Variants in SLC39A8 observed in about 807,000 individuals in gnomAD.
SLC39A8 encodes metal cation symporter ZIP8.
Under a neutral mutation model 40.4 loss-of-function variants are expected in SLC39A8, and 15 were observed. That is an observed-to-expected ratio of 0.37 (90% confidence interval 0.25 to 0.57). The LOEUF (loss-of-function observed/expected upper bound fraction) is 0.57, where lower values mean the gene tolerates loss of function less well. SLC39A8 is among the 20% of genes least tolerant of loss of function. The pLI is 0.75. For missense variants in SLC39A8, 472 were observed against 558.8 expected, an observed-to-expected ratio of 0.84 and a Z score of 1.57; for synonymous variants, 223 against 221.6, an observed-to-expected ratio of 1.01 and a Z score of -0.06.
Position 102,262,651 on chromosome 4 carries a change from G to C in SLC39A8, c.*393C>G. 1.0e-6 allele frequency: 1 copy of C among 989,200 alleles called. No individual in the cohort carries two copies. The highest frequency in any genetic ancestry group is 1.7e-5 in the African/African-American group (1 of 57,470). 61.3% of individuals were successfully genotyped at this position (989,200 alleles called of 1,614,324 possible). ...AAATTAATTGAAATAAAACCTCTCT[G>C]AAACCATTTGAATCTTTGATCCTAC... On this transcript the variant is annotated 3_prime_UTR_variant, in exon 9 of 9. Coordinates refer to ENST00000356736, the MANE Select transcript of SLC39A8 (RefSeq NM_001135146.2).
intron 2 of SLC39A8, chr4:102,324,206 C>A (rs1414090036): frequency 1.1e-5 from 3 of 270,624 alleles, no homozygotes; most frequent in Admixed American, 4.1e-5. Flanking sequence ...ACCATCCTGG[C>A]CAACATGGTG....
chr4:102,313,384 A>G (rs2149039183), intron 3 of SLC39A8, among the ~76,000 whole-genome samples: 1 of 152,286 alleles, frequency 6.6e-6, no homozygotes, highest in South Asian at 2.1e-4. Context: ...TAAGTACCAC[A>G]AAAGAATTGG....
intron 2 of SLC39A8, among the ~76,000 whole-genome samples, chr4:102,325,231 C>T (rs1186414891): frequency 6.6e-6 from 1 of 152,130 alleles, no homozygotes; most frequent in Non-Finnish European, 1.5e-5. Flanking sequence ...AAGCCAAGAA[C>T]ACTCTATAAA....
At chr4:102,260,267 A>T (rs1006132859), downstream of SLC39A8, among the ~76,000 whole-genome samples, 5 of 152,372 alleles carry the variant, frequency 3.3e-5, no homozygotes, top group African/African-American at 1.2e-4. Context: ...GCCGATATCC[A>T]GTCTGGGCTT....
chr4:102,325,497 G>A (rs1735157240), intron 2 of SLC39A8, among the ~76,000 whole-genome samples: 1 of 152,066 alleles, frequency 6.6e-6, no homozygotes, highest in South Asian at 2.1e-4. Context: ...GATGAAGAAC[G>A]CTTTTCCTGA....
rs1736096859 is a variant in SLC39A8, at chr4:102,344,757, T to A, written c.-95A>T. On this transcript the variant is annotated 5_prime_UTR_variant, in exon 2 of 9. The change abolishes the stop of an existing upstream ORF in the 5' untranslated region. Transcript: ENST00000356736. ...GCGTCCTTGCCCAAGGGCGGGAGCG[T>A]CAGTGCTCGGCGCTGCTCCGAGTCA... 7.4e-7 allele frequency: 1 copy of A among 1,356,250 alleles called. No individual in the cohort carries two copies. The highest frequency in any genetic ancestry group is 9.4e-7 in the Non-Finnish European group (1 of 1,061,526). The allele number at this position is 1,356,250 out of a possible 1,614,324, so 84.0% of individuals were successfully genotyped here. A position where few individuals can be genotyped will look rare whatever the true frequency, so the allele number is the denominator to read the frequency against.
downstream of SLC39A8, among the ~76,000 whole-genome samples, chr4:102,258,671 G>C (rs1213995965): frequency 6.6e-6 from 1 of 152,140 alleles, no homozygotes; most frequent in African/African-American, 2.4e-5. Context: ...GGATAAAAAA[G>C]TTCATACTTG....
At chr4:102,325,784 C>A (rs928142928) in intron 2 of SLC39A8, among the ~76,000 whole-genome samples, 2 of 152,062 alleles carry the variant, frequency 1.3e-5, no homozygotes, top group Admixed American at 1.3e-4. Context: ...TGTTTAAAAT[C>A]TCTTTTTCCA....
At position 102,292,250 on chromosome 4, in the gene SLC39A8, G is replaced by A. The variant is rs556284806; in HGVS notation, c.840+12067C>T. Among the ~76,000 whole-genome samples the A allele has an allele frequency of 7.2e-5, 11 of 152,100 alleles. No individual in the cohort carries two copies. The South Asian group carries it at 8.3e-4, about 11-fold the overall frequency. On this transcript the variant is annotated intron_variant, in intron 6 of 8. Coordinates refer to ENST00000356736, the MANE Select transcript of SLC39A8 (RefSeq NM_001135146.2). Reference sequence around the variant, plus strand: ...GGTGAAGTGATGAATATGTTAATAAGTTTAATTTCATCTTTCTACAATGTG... The same window carrying A: ...GGTGAAGTGATGAATATGTTAATAAATTTAATTTCATCTTTCTACAATGTG...
intron 2 of SLC39A8, among the ~76,000 whole-genome samples, chr4:102,320,395 TATATATATATGAGAATATATATATGAGA>T (rs1369568749): frequency 4.6e-5 from 3 of 64,866 alleles, no homozygotes; most frequent in Non-Finnish European, 6.2e-5. Flanking sequence ...TATATATGAG[TATATATATATGAGAATATATATATGAGA>T]ATATATATAT....
chr4:102,279,186 C>T (rs756423370), intron 6 of SLC39A8, among the ~76,000 whole-genome samples: 12 of 151,854 alleles, frequency 7.9e-5, no homozygotes, highest in Non-Finnish European at 1.6e-4. Context: ...TCCCCGAAAC[C>T]TTGGACTTGA....
intron 3 of SLC39A8, among the ~76,000 whole-genome samples, chr4:102,308,710 A>G (rs1734296944): frequency 6.6e-6 from 1 of 152,018 alleles, no homozygotes; most frequent in Non-Finnish European, 1.5e-5. Flanking sequence ...AATATCCAGA[A>G]AGCATGTTTA....
chr4:102,296,280 A>T (rs1172030655), intron 6 of SLC39A8, among the ~76,000 whole-genome samples: 1 of 152,118 alleles, frequency 6.6e-6, no homozygotes, highest in East Asian at 1.9e-4. Flanking sequence ...ACCTAGAAGG[A>T]ACATATACAA....
At chr4:102,326,900 C>T (rs1158385264) in intron 2 of SLC39A8, among the ~76,000 whole-genome samples, 1 of 152,168 alleles carries the variant, frequency 6.6e-6, no homozygotes, top group Non-Finnish European at 1.5e-5. Context: ...TCTACTGATG[C>T]ATCACCCATC....
chr4:102,299,403 T>C (rs1160772848), intron 6 of SLC39A8, among the ~76,000 whole-genome samples: 1 of 151,986 alleles, frequency 6.6e-6, no homozygotes, highest in African/African-American at 2.4e-5. Flanking sequence ...AACTCTGCTG[T>C]CTCACCTCAT....
downstream of SLC39A8, among the ~76,000 whole-genome samples, chr4:102,257,701 T>C (rs551566804): frequency 2.0e-5 from 3 of 152,314 alleles, no homozygotes; most frequent in South Asian, 4.1e-4. Flanking sequence ...GTCCCCAACA[T>C]TGCAAATGCA....
At chr4:102,289,064 C>T (rs571254598) in intron 6 of SLC39A8, among the ~76,000 whole-genome samples, 3 of 152,270 alleles carry the variant, frequency 2.0e-5, no homozygotes, top group African/African-American at 7.2e-5. Context: ...GGTTTCAAAG[C>T]TTCAAAGGAC....
At chr4:102,312,259 T>C (rs1016359785) in intron 3 of SLC39A8, among the ~76,000 whole-genome samples, 1 of 152,100 alleles carries the variant, frequency 6.6e-6, no homozygotes, top group African/African-American at 2.4e-5. Context: ...TGGAAACATT[T>C]CCATATCTTC....
chr4:102,261,818 C>G lies in SLC39A8; in HGVS notation c.*1226G>C, dbSNP rs1578551917. 8.1e-6 allele frequency: 8 copies of G among 985,764 alleles called. No individual in the cohort carries two copies. The South Asian group carries it at 3.8e-4, about 46-fold the overall frequency. The allele number at this position is 985,764 out of a possible 1,614,324, so 61.1% of individuals were successfully genotyped here. On this transcript the variant is annotated 3_prime_UTR_variant, in exon 9 of 9. Coordinates refer to ENST00000356736, the MANE Select transcript of SLC39A8 (RefSeq NM_001135146.2). ...TTTTGGTCTGTTGGAAAATGTAATT[C>G]CTGAGATCATTGTTGGGCTTTGTCA...
Sources: allele counts gnomAD v4.1 joint callset (sites outside exome capture counted in the v4.1 genomes callset), GRCh38; gene constraint gnomAD v4.1.1; transcripts MANE v1.5; gene names NCBI Gene and HGNC (gene_info 2026-07-23, HGNC 2026-07-21).